The following OSBP2 variants were observed in gnomAD, a reference collection of about 807,000 sequenced individuals.
OSBP2 encodes oxysterol-binding protein 2.
OSBP2 carries 66 observed loss-of-function variants against 96.0 expected under a neutral mutation model. The observed-to-expected ratio is 0.69, with a 90% CI of 0.56 to 0.84. The LOEUF is 0.84. Among genes scored for constraint, OSBP2 ranks in the 40% least tolerant of loss-of-function variants. OSBP2 has a pLI of 0.00. For missense variants in OSBP2, 1,038 were observed against 1,222.7 expected (o/e 0.85, Z 2.25); for synonymous variants, 525 against 520.9 (o/e 1.01, Z -0.11).
At chr22:30,892,693 G>A (rs1328534356) in intron 8 of OSBP2, among the ~76,000 whole-genome samples, 1 of 152,096 alleles carries the variant, frequency 6.6e-6, no homozygotes, top group East Asian at 1.9e-4. Context: ...CTGCCCCTTG[G>A]CTAAAATCAC....
intron 3 of OSBP2, among the ~76,000 whole-genome samples, chr22:30,877,245 AT>A (rs1207253211): frequency 3.3e-5 from 5 of 152,022 alleles, no homozygotes; most frequent in African/African-American, 1.2e-4. Flanking sequence ...CTAGTGGGTA[AT>A]TTTTTTTGAC....
rs1293078561 is a variant in OSBP2 at position 30,733,334 on chromosome 22, CAT to C, written c.645-7826_645-7825del. On this transcript the variant is annotated intron_variant, in intron 1 of 13. Transcript: ENST00000332585. ...AACTGTAAGGCTCACAGAGGCCACT[CAT>C]GTTCTCTGGGCTCATGGACTTCTCT... 3.3e-5 allele frequency among the ~76,000 whole-genome samples: 5 copies of C among 152,334 alleles called. No individual in the cohort carries two copies. In the East Asian group the frequency reaches 9.6e-4, roughly 29 times the overall value.
At chr22:30,756,862 C>T (rs1316215964) in intron 2 of OSBP2, among the ~76,000 whole-genome samples, 3 of 152,264 alleles carry the variant, frequency 2.0e-5, no homozygotes, top group Non-Finnish European at 2.9e-5. Flanking sequence ...CTTCTACCTT[C>T]AGGCAGGGGT....
chr22:30,888,477 A>C, intron 5 of OSBP2, 137 bp downstream of exon 5: 1 of 672,052 alleles, frequency 1.5e-6, no homozygotes, highest in African/African-American at 1.8e-5. Context: ...AGTGGCTCCC[A>C]GCACTTTGGG....
At chr22:30,861,429 C>T (rs1470372616) in intron 2 of OSBP2, among the ~76,000 whole-genome samples, 1 of 152,220 alleles carries the variant, frequency 6.6e-6, no homozygotes, top group Non-Finnish European at 1.5e-5. Flanking sequence ...CCCAGGCACA[C>T]TTAGCACTCG....
intron 2 of OSBP2, among the ~76,000 whole-genome samples, chr22:30,853,229 C>A (rs1384721107): frequency 6.6e-6 from 1 of 152,170 alleles, no homozygotes; most frequent in Non-Finnish European, 1.5e-5. Context: ...AAACCACTAA[C>A]TATGTTAGAT....
intron 2 of OSBP2, among the ~76,000 whole-genome samples, chr22:30,827,104 G>A (rs1444813108): frequency 6.6e-6 from 1 of 152,172 alleles, no homozygotes; most frequent in African/African-American, 2.4e-5. Context: ...GGTGAGGATG[G>A]GGATGCTCAG....
Position 30,888,309 on chromosome 22 carries a change from A to C in OSBP2, c.1387A>C (p.Ile463Leu), listed in dbSNP as rs1312805083. 1.9e-6 allele frequency: 3 copies of C among 1,612,940 alleles called. No homozygotes were observed. The highest frequency in any genetic ancestry group is 2.5e-6 in the Non-Finnish European group (3 of 1,179,012). ...TGCCATGGAAGACTCCACATCCTTC[A>C]TCACCGTGATCACCGAGGCCAAGGA... ...FDAMEDSTSF[I>L]TVITEAKEDS... Residue 463 changes from isoleucine to leucine, a missense_variant, in exon 5 of 14, where the codon ATC becomes CTC. Around this residue, in one of 3 missense-constraint regions of OSBP2, gnomAD observed 737 missense variants for 913.3 expected, o/e 0.81. Coordinates refer to ENST00000332585, the MANE Select transcript of OSBP2 (RefSeq NM_030758.4).
At chr22:30,825,920 CAGG>C (rs1309021348) in intron 2 of OSBP2, among the ~76,000 whole-genome samples, 2 of 152,094 alleles carry the variant, frequency 1.3e-5, no homozygotes, top group Non-Finnish European at 2.9e-5. Context: ...GTCTCAGAAA[CAGG>C]AGGGGATCAG....
intron 3 of OSBP2, among the ~76,000 whole-genome samples, chr22:30,885,434 C>T (rs766004103): frequency 8.5e-5 from 13 of 152,228 alleles, no homozygotes; most frequent in Non-Finnish European, 1.6e-4. Context: ...TGACCAACCC[C>T]TGCTTCAAAA....
In OSBP2 at chr22:30,906,256, G is replaced by A. The variant is rs200815730; in HGVS notation, c.2668G>A (p.Gly890Arg). 3.1e-6 allele frequency: 5 copies of A among 1,614,152 alleles called. No individual in the cohort carries two copies. The highest frequency in any genetic ancestry group is 2.7e-5 in the African/African-American group (2 of 75,058). ...TGAGAAGAGGCTGGATCCGCTGACC[G>A]GGGAGATGGCCTGTGTGTACAAGGG... ...WFEKRLDPLTGEMACVYKGGY... is the reference protein window; with the variant it reads ...WFEKRLDPLTREMACVYKGGY... Residue 890 changes from glycine (G) to arginine (R), a missense_variant, in exon 14 of 14, where the codon GGG becomes AGG. Gly to Arg is a moderately radical substitution (Grantham distance 125). Coordinates refer to ENST00000332585, the MANE Select transcript of OSBP2 (RefSeq NM_030758.4).
At chr22:30,761,986 C>T (rs1295393804) in intron 2 of OSBP2, among the ~76,000 whole-genome samples, 3 of 152,046 alleles carry the variant, frequency 2.0e-5, no homozygotes, top group South Asian at 2.1e-4. Flanking sequence ...TTTGGGAGGC[C>T]GAGGCGGGTG....
In OSBP2 at chr22:30,906,045, G is replaced by A; in HGVS notation, c.2584G>A (p.Gly862Ser). 1 of 1,565,114 alleles carries A rather than the reference G, an allele frequency of 6.4e-7. No individual in the cohort carries two copies. The highest frequency in any genetic ancestry group is 1.4e-5 in the African/African-American group (1 of 73,908). The change falls in exon 13 of 14, where the codon GGC becomes AGC. Residue 862 changes from glycine to serine, a missense_variant. Coordinates refer to ENST00000332585, the MANE Select transcript of OSBP2 (RefSeq NM_030758.4). The part of the protein sequence containing the change: ...RRRRLEACGP[G>S]SSCSSEEEKE... ...CCGGCGGCTGGAGGCCTGCGGGCCGGGCAGCAGCTGCAGCTCGGAGGAAGG... is the reference window on the plus strand; with the variant it reads ...CCGGCGGCTGGAGGCCTGCGGGCCGAGCAGCAGCTGCAGCTCGGAGGAAGG...
At chr22:30,710,813 G>C (rs2089334147) in intron 1 of OSBP2, among the ~76,000 whole-genome samples, 2 of 152,110 alleles carry the variant, frequency 1.3e-5, no homozygotes, top group South Asian at 4.1e-4. Flanking sequence ...GTTTCACCAT[G>C]TTGGCCAGGC....
At chr22:30,879,522 G>A (rs1397998102) in intron 3 of OSBP2, among the ~76,000 whole-genome samples, 3 of 152,196 alleles carry the variant, frequency 2.0e-5, no homozygotes, top group Non-Finnish European at 4.4e-5. Flanking sequence ...ACCAGCCTGG[G>A]CCAAGCGCTC....
chr22:30,721,529 A>G (rs929654011), intron 1 of OSBP2, among the ~76,000 whole-genome samples: 1 of 152,082 alleles, frequency 6.6e-6, no homozygotes, highest in African/African-American at 2.4e-5. Context: ...GCAACTGCCT[A>G]TGGTGTGGGG....
intron 12 of OSBP2, chr22:30,902,235 T>TA: frequency 6.5e-7 from 1 of 1,534,232 alleles, no homozygotes; most frequent in South Asian, 1.1e-5. Flanking sequence ...ACAGCATATG[T>TA]AGGGAATCTA....
chr22:30,704,287 AG>A (rs2089211031), intron 1 of OSBP2, among the ~76,000 whole-genome samples: 1 of 152,194 alleles, frequency 6.6e-6, no homozygotes, highest in Non-Finnish European at 1.5e-5. Flanking sequence ...AAAGAAACAG[AG>A]TGAAGTCTGG....
chr22:30,818,731 A>G (rs1440737514), intron 2 of OSBP2, among the ~76,000 whole-genome samples: 3 of 152,184 alleles, frequency 2.0e-5, no homozygotes, highest in Non-Finnish European at 4.4e-5. Flanking sequence ...CTGATTAGTA[A>G]TGTTCTGGTA....
Sources: gnomAD v4.1 joint callset for allele counts (sites outside exome capture counted in the v4.1 genomes callset) on GRCh38, gnomAD v4.1.1 for gene constraint, gnomAD v4.1.1 regional missense constraint, MANE v1.5 for transcripts, NCBI Gene and HGNC (gene_info 2026-07-23, HGNC 2026-07-21) for gene names.